COBLL1: variants seen among roughly 807,000 people sequenced by gnomAD.
The protein encoded by COBLL1 is cordon-bleu WH2 repeat protein like 1.
COBLL1 carries 50 observed loss-of-function variants against 94.8 expected under a neutral mutation model. The ratio of observed to expected loss-of-function variants is 0.53; its 90% confidence interval spans 0.42 to 0.67. The LOEUF (loss-of-function observed/expected upper bound fraction) is 0.67, where lower values mean the gene tolerates loss of function less well. Among genes scored for constraint, COBLL1 ranks in the 30% least tolerant of loss-of-function variants. COBLL1 has a pLI of 0.00. For missense variants in COBLL1, 1,362 were observed against 1,348.7 expected, an observed-to-expected ratio of 1.01 and a Z score of -0.15; for synonymous variants, 448 against 473.8, an observed-to-expected ratio of 0.95 and a Z score of 0.71.
rs974155189 is a variant in COBLL1, at chr2:164,682,815, T to C, written c.*3131A>G. On this transcript the variant is annotated 3_prime_UTR_variant, in exon 14 of 14. Coordinates refer to ENST00000652658, the MANE Select transcript of COBLL1 (RefSeq NM_001365672.2). ...CCATGACTCATAAGTGGCAGACTTG[T>C]GATCTGAACCCCAATCTCTTCACTC... 1.3e-5 allele frequency: 2 copies of C among 152,102 alleles called. No individual in the cohort carries two copies. The highest frequency in any genetic ancestry group is 4.8e-5 in the African/African-American group (2 of 41,430). 9.4% of individuals were successfully genotyped at this position (152,102 alleles called of 1,614,324 possible). A position where few individuals can be genotyped will look rare whatever the true frequency, so the allele number is the denominator to read the frequency against.
chr2:164,766,123 CTTAG>C (rs1157130754), intron 2 of COBLL1, among the ~76,000 whole-genome samples: 3 of 152,156 alleles, frequency 2.0e-5, no homozygotes, highest in African/African-American at 4.8e-5. Flanking sequence ...TATATCCATA[CTTAG>C]TTACTTTTTA....
At chr2:164,659,266 ATACCCCGCT>A (rs1413716958) in intron 2 of COBLL1, among the ~76,000 whole-genome samples, 4 of 152,190 alleles carry the variant, frequency 2.6e-5, no homozygotes. Context: ...TGACCACTGC[ATACCCCGCT>A]TTTTGAAGTC....
At chr2:164,756,674 A>G (rs370205933) in intron 2 of COBLL1, among the ~76,000 whole-genome samples, 1 of 152,156 alleles carries the variant, frequency 6.6e-6, no homozygotes, top group African/African-American at 2.4e-5. Context: ...CAGGGAGAAA[A>G]CAAAAATATC....
In COBLL1 at chr2:164,695,187, T is replaced by G. The variant is rs1683856973; in HGVS notation, c.2205A>C (p.Lys735Asn). 1 of 1,613,950 alleles carries G rather than the reference T, an allele frequency of 6.2e-7. No homozygotes were observed. Among genetic ancestry groups the G allele is most frequent in the African/African-American group, 1.3e-5 (1 of 74,990 alleles). Residue 735 changes from lysine to asparagine, a missense_variant, in exon 12 of 14, where the codon AAA becomes AAC. Coordinates refer to ENST00000652658, the MANE Select transcript of COBLL1 (RefSeq NM_001365672.2). The part of the protein sequence containing the change: ...YIPKIGMTTY[K>N]IVPPKSLEIS... ...TTTCCAAGGATTTGGGAGGCACTAT[T>G]TTATAAGTAGTCATGCCAATTTTGG...
At chr2:164,725,135 A>ATATATATATATATATATATATAT (rs1558956204) in intron 5 of COBLL1, 36 of 57,166 alleles carry the variant, frequency 6.3e-4, no homozygotes, top group African/African-American at 2.4e-3. Flanking sequence ...TATATATATA[A>ATATATATATATATATATATATAT]AATGAAAGCA....
chr2:164,801,159 G>A (rs1683759776), intron 2 of COBLL1, among the ~76,000 whole-genome samples: 1 of 152,012 alleles, frequency 6.6e-6, no homozygotes, highest in South Asian at 2.1e-4. Flanking sequence ...CTTAGCTAAG[G>A]CCGGGCGCGG....
At position 164,728,181 on chromosome 2, in the gene COBLL1, A is replaced by G. The variant is rs201066001; in HGVS notation, c.449T>C (p.Val150Ala). The change falls in exon 5 of 14, where the codon GTG becomes GCG. Residue 150 changes from valine (V) to alanine (A), a missense_variant. By Grantham distance (64) the Val-to-Ala change is moderately conservative (BLOSUM62 0). Coordinates refer to ENST00000652658, the MANE Select transcript of COBLL1 (RefSeq NM_001365672.2). ...PIIPEKTVRV[V>A]INFKKTQKTI... The stretch of plus-strand genomic sequence containing the variant: ...CTTCTGTGTTTTCTTAAAATTAATC[A>G]CTACTCTCACAGTTTTCTGAAACAC... The G allele has an allele frequency of 8.7e-5, 140 of 1,610,892 alleles. No individual in the cohort carries two copies. The highest frequency in any genetic ancestry group is 1.1e-4 in the Non-Finnish European group (124 of 1,177,442).
chr2:164,782,930 A>G (rs1320253913), intron 2 of COBLL1, among the ~76,000 whole-genome samples: 1 of 152,234 alleles, frequency 6.6e-6, no homozygotes. Context: ...AAATGGTTAT[A>G]CTTAAAATGT....
At position 164,683,020 on chromosome 2, in the gene COBLL1, A is replaced by AC. The variant is rs2105399612; in HGVS notation, c.*2925dup. On this transcript the variant is annotated 3_prime_UTR_variant, in exon 14 of 14. Transcript: ENST00000652658. ...GAAACACACATACACACACACACAC[A>AC]CACACACACACACACACACAAAAGC... 1 of 152,562 alleles carries AC rather than the reference A, an allele frequency of 6.6e-6. No individual in the cohort carries two copies. The highest frequency in any genetic ancestry group is 6.6e-5 in the Admixed American group (1 of 15,226). 9.5% of individuals were successfully genotyped at this position (152,562 alleles called of 1,614,324 possible). A position where few individuals can be genotyped will look rare whatever the true frequency, so the allele number is the denominator to read the frequency against.
At chr2:164,729,349 T>C (rs1685869436) in intron 4 of COBLL1, among the ~76,000 whole-genome samples, 1 of 151,818 alleles carries the variant, frequency 6.6e-6, no homozygotes, top group Non-Finnish European at 1.5e-5. Context: ...CTATTGCTTA[T>C]AGCAATAGAA....
Position 164,841,703 on chromosome 2 carries a change from C to T in COBLL1, c.-51+7G>A, listed in dbSNP as rs745402221. The T allele has an allele frequency of 1.5e-4, 71 of 468,428 alleles. No individual in the cohort carries two copies. Among genetic ancestry groups the T allele is most frequent in the Non-Finnish European group, 2.4e-4 (65 of 266,570 alleles). 29.0% of individuals were successfully genotyped at this position (468,428 alleles called of 1,614,324 possible). Reference sequence around the variant, plus strand: ...CTGATCTCTCTTTTCCCACCCAAGGCTCCTACGTTCTTTTCCAAAGGAGAC... The same window carrying T: ...CTGATCTCTCTTTTCCCACCCAAGGTTCCTACGTTCTTTTCCAAAGGAGAC... On this transcript the variant is annotated splice_region_variant and intron_variant, in intron 1 of 13. Coordinates refer to ENST00000652658, the MANE Select transcript of COBLL1 (RefSeq NM_001365672.2). This position sits in a 1 kb window ranked among gnomAD's most constrained non-coding sequence, Gnocchi z 5.5.
rs143505097 is a variant in COBLL1, at chr2:164,801,438, C to CAAAAAAAAAA, written c.41+39708_41+39717dup. On this transcript the variant is annotated intron_variant, in intron 2 of 13. Coordinates refer to ENST00000652658, the MANE Select transcript of COBLL1 (RefSeq NM_001365672.2). ...TGGGCGACAGAGCGAGACTCCGTCT[C>CAAAAAAAAAA]AAAAAAAAAAAAAAAAAAAAAAAAA... is the stretch of plus-strand genomic sequence containing the variant. Among the ~76,000 whole-genome samples the CAAAAAAAAAA allele has an allele frequency of 9.2e-4, 26 of 28,210 alleles. 4 individuals are homozygous for CAAAAAAAAAA. Among genetic ancestry groups the CAAAAAAAAAA allele is most frequent in the African/African-American group, 3.0e-3 (24 of 8,000 alleles). 18.5% of individuals were successfully genotyped at this position (28,210 alleles called of 152,430 possible).
intron 1 of COBLL1, among the ~76,000 whole-genome samples, chr2:164,669,803 G>A (rs542180263): frequency 6.6e-6 from 1 of 152,312 alleles, no homozygotes; most frequent in South Asian, 2.1e-4. Flanking sequence ...ATCTGTAAAT[G>A]GGAATAATAA....
intron 2 of COBLL1, among the ~76,000 whole-genome samples, chr2:164,813,676 A>G (rs933144476): frequency 6.6e-6 from 1 of 152,146 alleles, no homozygotes; most frequent in Non-Finnish European, 1.5e-5. Context: ...TTCAACTCCA[A>G]TGTTTACTCT....
At chr2:164,695,914 C>A in intron 11 of COBLL1, 78 bp from the exon 12 acceptor site, 3 of 1,136,104 alleles carry the variant, frequency 2.6e-6, no homozygotes, top group Non-Finnish European at 3.7e-6. Context: ...CTTTCTCCAA[C>A]CTGAAATAGT....
intron 1 of COBLL1, among the ~76,000 whole-genome samples, chr2:164,672,492 A>G (rs1691257088): frequency 1.3e-5 from 2 of 151,900 alleles, no homozygotes. Flanking sequence ...AGGTCAGGAG[A>G]TCGAGACCAT....
At chr2:164,823,689 T>C (rs2105367395) in intron 2 of COBLL1, among the ~76,000 whole-genome samples, 1 of 152,314 alleles carries the variant, frequency 6.6e-6, no homozygotes, top group South Asian at 2.1e-4. Context: ...ACATCCCCTC[T>C]CTGGCATGTC....
In COBLL1 at chr2:164,681,659, T is replaced by G. The variant is rs1683048118; in HGVS notation, c.*4287A>C. 1 of 152,228 alleles carries G rather than the reference T, an allele frequency of 6.6e-6. No individual in the cohort carries two copies. Among genetic ancestry groups the G allele is most frequent in the South Asian group, 2.1e-4 (1 of 4,838 alleles). 9.4% of individuals were successfully genotyped at this position (152,228 alleles called of 1,614,324 possible). A position where few individuals can be genotyped will look rare whatever the true frequency, so the allele number is the denominator to read the frequency against. On this transcript the variant is annotated 3_prime_UTR_variant, in exon 14 of 14. Transcript: ENST00000652658. ...CCTATCGCTATCGCAAGGCGTGGGCTGGAAACTAAGAATAAACTGGGGAGC... is the reference window on the plus strand; with the variant it reads ...CCTATCGCTATCGCAAGGCGTGGGCGGGAAACTAAGAATAAACTGGGGAGC...
intron 2 of COBLL1, among the ~76,000 whole-genome samples, chr2:164,661,519 C>G (rs1267751071): frequency 6.6e-6 from 1 of 151,948 alleles, no homozygotes; most frequent in Non-Finnish European, 1.5e-5. Context: ...TAAGCATTTC[C>G]AAACATTTCC....
Sources: allele counts gnomAD v4.1 joint callset (sites outside exome capture counted in the v4.1 genomes callset), GRCh38; gene constraint gnomAD v4.1.1; non-coding constraint Gnocchi (gnomAD v3.1); transcripts MANE v1.5; gene names NCBI Gene and HGNC (gene_info 2026-07-23, HGNC 2026-07-21).